The following ELP6 variants were observed in gnomAD, a reference collection of about 807,000 sequenced individuals.
ELP6 encodes the protein elongator acetyltransferase complex subunit 6, also known as elongator complex protein 6.
In ELP6, 23 loss-of-function variants were observed where a neutral mutation model predicts 28.1. That is an observed-to-expected ratio of 0.82 (90% CI 0.59 to 1.16). The LOEUF (loss-of-function observed/expected upper bound fraction) is 1.16. Ranked by LOEUF, ELP6 falls within the 50% of genes most tolerant of loss-of-function variation. The pLI, the probability that ELP6 is intolerant of heterozygous loss-of-function variation, is 0.00. For synonymous variants in ELP6, 132 were observed against 135.8 expected, an observed-to-expected ratio of 0.97 and a Z score of 0.19; for missense variants, 313 against 334.6, an observed-to-expected ratio of 0.94 and a Z score of 0.50.
At position 47,502,874 on chromosome 3, in the gene ELP6, A is replaced by C. The variant is rs573417766; in HGVS notation, c.324-1023T>G. Among the ~76,000 whole-genome samples, 21 of 152,156 alleles carry C rather than the reference A, an allele frequency of 1.4e-4. No homozygotes were observed. The East Asian group carries it at 4.1e-3, about 29-fold the overall frequency. On this transcript the variant is annotated intron_variant, in intron 4 of 6. Coordinates refer to ENST00000296149, the MANE Select transcript of ELP6 (RefSeq NM_001031703.3). ...AATGAAAAGAAGAAGTTAAACAGCA[A>C]CTCAGTTGCCCTGATGGTGAGTGGC...
chr3:47,504,281 G>T, intron 4 of ELP6, 49 bp downstream of exon 4: 1 of 1,530,454 alleles, frequency 6.5e-7, no homozygotes, highest in Non-Finnish European at 8.8e-7. Flanking sequence ...ACCCTGCCTG[G>T]GCCCACCTGC....
intron 6 of ELP6, 111 bp downstream of exon 6, chr3:47,498,175 C>T (rs1408606546): frequency 2.7e-6 from 4 of 1,472,964 alleles, no homozygotes; most frequent in African/African-American, 1.4e-5. Flanking sequence ...TTCCCTTCCA[C>T]CTGAAGTCAT....
chr3:47,502,621 G>A (rs1224793529), intron 4 of ELP6: 2 of 917,272 alleles, frequency 2.2e-6, no homozygotes. Context: ...GATCATTTGA[G>A]CCCAGGAGTT....
intron 2 of ELP6, 107 bp downstream of exon 2, chr3:47,511,041 A>G (rs1709000945): frequency 1.1e-6 from 1 of 936,544 alleles, no homozygotes; most frequent in Non-Finnish European, 1.7e-6. Context: ...TCCCAACACC[A>G]AGGCTTGGCT....
At position 47,500,888 on chromosome 3, in the gene ELP6, C is replaced by T. The variant is rs6790658; in HGVS notation, c.525+762G>A. The stretch of plus-strand genomic sequence containing the variant: ...GCTCTGTACGCTCAGTCTGACCGCA[C>T]CATACCACTGTCCACACGTTCCTGC... On this transcript the variant is annotated intron_variant, in intron 5 of 6. Coordinates refer to ENST00000296149, the MANE Select transcript of ELP6 (RefSeq NM_001031703.3). Among the ~76,000 whole-genome samples the T allele has an allele frequency of 8.5e-3, 1,294 of 152,302 alleles. 20 individuals are homozygous for T. The highest frequency in any genetic ancestry group is 0.03 in the African/African-American group (1,236 of 41,566).
rs1708461516 is a variant in ELP6 at position 47,495,709 on chromosome 3, G to A, written c.*360C>T. 4.3e-6 allele frequency: 1 copy of A among 230,440 alleles called. No individual in the cohort carries two copies. Among genetic ancestry groups the A allele is most frequent in the African/African-American group, 2.4e-5 (1 of 42,290 alleles). 14.3% of individuals were successfully genotyped at this position (230,440 alleles called of 1,614,324 possible). A position where few individuals can be genotyped will look rare whatever the true frequency, so the allele number is the denominator to read the frequency against. On this transcript the variant is annotated 3_prime_UTR_variant, in exon 7 of 7. Coordinates refer to ENST00000296149, the MANE Select transcript of ELP6 (RefSeq NM_001031703.3). ...TGTCACCTTGCACACCTGCCATCCG[G>A]TGCCATCTCCTGGCTGGCACATCTA...
intron 3 of ELP6, among the ~76,000 whole-genome samples, chr3:47,507,070 T>C (rs1708858702): frequency 6.6e-6 from 1 of 152,074 alleles, no homozygotes; most frequent in Non-Finnish European, 1.5e-5. Context: ...CTGATTAAAA[T>C]GTAGATTCCT....
chr3:47,503,234 A>G, intron 4 of ELP6: 1 of 1,204,650 alleles, frequency 8.3e-7, no homozygotes, highest in Non-Finnish European at 1.1e-6. Context: ...ATGGCCTCAC[A>G]CCCACTGCAT....
rs1708667884 is a variant in ELP6, at chr3:47,501,848, C to G, written c.327G>C (p.Glu109Asp). 3.1e-6 allele frequency: 5 copies of G among 1,612,780 alleles called. No homozygotes were observed. The East Asian group carries it at 1.1e-4, about 36-fold the overall frequency. Residue 109 changes from glutamate (E) to aspartate (D), a missense_variant, in exon 5 of 7, where the codon GAG becomes GAC. Transcript: ENST00000296149. ...ATGGTTTCAAGTTCCCAGCATTAGC[C>G]TCCCTGGAGAGACAGGACAAAAGTT... is the stretch of plus-strand genomic sequence containing the variant. The part of the protein sequence containing the change: ...KEPHPLQFLR[E>D]ANAGNLKPLF...
intron 1 of ELP6, 171 bp downstream of exon 1, chr3:47,513,366 G>C: frequency 7.1e-7 from 1 of 1,407,488 alleles, no homozygotes. Context: ...ACTTTCGGCG[G>C]GCCCAAGCCT....
chr3:47,513,510 C>T (rs1309155968), intron 1 of ELP6, 27 bp downstream of exon 1: 1 of 1,608,952 alleles, frequency 6.2e-7, no homozygotes, highest in Non-Finnish European at 8.5e-7. Context: ...CAGGTCCCGC[C>T]CCCTTCCGGC....
chr3:47,501,787 C>T lies in ELP6; in HGVS notation c.388G>A (p.Asp130Asn), dbSNP rs1708664660. ...TACGTCCACCGAGCCTCTCCACTGT[C>T]TACTGGCTTCAGGGCCTCCCGTACA... ...EFVREALKPV[D>N]SGEARWTYPV... Residue 130 changes from aspartate to asparagine, a missense_variant, in exon 5 of 7, where the codon GAC becomes AAC. By Grantham distance (23) the Asp-to-Asn change is conservative (BLOSUM62 1). Transcript: ENST00000296149. 5 of 1,613,992 alleles carry T rather than the reference C, an allele frequency of 3.1e-6. No individual in the cohort carries two copies. Among genetic ancestry groups the T allele is most frequent in the African/African-American group, 1.3e-5 (1 of 74,894 alleles).
intron 6 of ELP6, chr3:47,496,753 CA>C (rs1708491879): frequency 1.0e-6 from 1 of 980,648 alleles, no homozygotes; most frequent in Non-Finnish European, 1.2e-6. Flanking sequence ...CTCGGCCTCC[CA>C]AAGTGCTGGG....
intron 1 of ELP6, chr3:47,511,872 T>C: frequency 2.0e-6 from 2 of 985,586 alleles, no homozygotes; most frequent in Non-Finnish European, 2.4e-6. Flanking sequence ...TCAAGTGATA[T>C]CATGCATGCC....
At chr3:47,497,475 T>C (rs1708511846) in intron 6 of ELP6, 1 of 316,172 alleles carries the variant, frequency 3.2e-6, no homozygotes, top group African/African-American at 2.2e-5. Context: ...TAGCTGGGAC[T>C]ACAGGCCCAC....
chr3:47,511,473 GCAAA>G, intron 1 of ELP6: 6 of 1,301,468 alleles, frequency 4.6e-6, no homozygotes, highest in Non-Finnish European at 4.9e-6. Flanking sequence ...CCTCCTCAAA[GCAAA>G]CAGAGAATAA....
At chr3:47,511,461 C>T (rs1219819834) in intron 1 of ELP6, 8 of 1,336,058 alleles carry the variant, frequency 6.0e-6, no homozygotes, top group Non-Finnish European at 7.7e-6. Context: ...TCTCAGCCTC[C>T]ACCTCCTCAA....
At chr3:47,503,471 C>CTT in intron 4 of ELP6, 1 of 1,282,490 alleles carries the variant, frequency 7.8e-7, no homozygotes, top group South Asian at 1.2e-5. Flanking sequence ...ATATTTTAGG[C>CTT]TTGCAGGTCA....
chr3:47,504,880 C>T lies in ELP6; in HGVS notation c.205-432G>A, dbSNP rs148872909. ...GAGGCTGAGGTAGGAGGATCACGTGCGCCCAGGAGGTCAAGGCTGCAGTGA... is the reference window on the plus strand; with the variant it reads ...GAGGCTGAGGTAGGAGGATCACGTGTGCCCAGGAGGTCAAGGCTGCAGTGA... On this transcript the variant is annotated intron_variant, in intron 3 of 6. Coordinates refer to ENST00000296149, the MANE Select transcript of ELP6 (RefSeq NM_001031703.3). 7.9e-5 allele frequency among the ~76,000 whole-genome samples: 12 copies of T among 152,136 alleles called. 1 individual carries two copies. The East Asian group carries it at 2.3e-3, about 29-fold the overall frequency.
Sources: allele counts gnomAD v4.1 joint callset (sites outside exome capture counted in the v4.1 genomes callset), GRCh38; gene constraint gnomAD v4.1.1; transcripts MANE v1.5; gene names NCBI Gene and HGNC (gene_info 2026-07-23, HGNC 2026-07-21).